GPD1L: variants seen among roughly 807,000 people sequenced by gnomAD.
GPD1L encodes glycerol-3-phosphate dehydrogenase 1 like, also known as glycerol-3-phosphate dehydrogenase 1-like protein.
A neutral mutation model predicts 32.9 loss-of-function variants in GPD1L; 17 were observed. The ratio of observed to expected loss-of-function variants is 0.52; its 90% confidence interval spans 0.35 to 0.78. GPD1L has a LOEUF of 0.78. Ranked by LOEUF, GPD1L falls within the 30% of genes least tolerant of loss-of-function variation. The pLI, the probability that GPD1L is intolerant of heterozygous loss-of-function variation, is 0.01. For synonymous variants in GPD1L, 187 were observed against 165.9 expected (o/e 1.13, Z -0.98); for missense variants, 361 against 447.8 (o/e 0.81, Z 1.75).
intron 5 of GPD1L, among the ~76,000 whole-genome samples, chr3:32,157,102 T>C (rs1230580937): frequency 1.3e-5 from 2 of 152,164 alleles, no homozygotes; most frequent in Non-Finnish European, 2.9e-5. Flanking sequence ...CCTGTGCAAC[T>C]GTGCAGGTGT....
intron 1 of GPD1L, among the ~76,000 whole-genome samples, chr3:32,124,547 A>G (rs1700476659): frequency 6.6e-6 from 1 of 152,214 alleles, no homozygotes; most frequent in Admixed American, 6.5e-5. Flanking sequence ...CAGAGGCACA[A>G]AGGAATTTTG....
intron 4 of GPD1L, among the ~76,000 whole-genome samples, chr3:32,146,296 C>G (rs1700824816): frequency 6.6e-6 from 1 of 151,918 alleles, no homozygotes; most frequent in African/African-American, 2.4e-5. Flanking sequence ...CCATGTTAGC[C>G]AGGATGGCTT....
chr3:32,138,804 G>A lies in GPD1L; in HGVS notation c.366+77G>A, dbSNP rs971245412. ...CATTTCCTCACACTTTCATCTGCTT[G>A]AGATTTGGAGCTGAAGGGGAAGTTG... On this transcript the variant is annotated intron_variant, in intron 3 of 7. Coordinates refer to ENST00000282541, the MANE Select transcript of GPD1L (RefSeq NM_015141.4). 1.8e-4 allele frequency: 257 copies of A among 1,446,962 alleles called. 1 individual carries two copies. The highest frequency in any genetic ancestry group is 3.4e-4 in the Admixed American group (20 of 58,670). The allele number at this position is 1,446,962 out of a possible 1,614,324, so 89.6% of individuals were successfully genotyped here.
chr3:32,121,096 G>A (rs1026218702), intron 1 of GPD1L, among the ~76,000 whole-genome samples: 1 of 152,040 alleles, frequency 6.6e-6, no homozygotes, highest in African/African-American at 2.4e-5. Flanking sequence ...CCAAATTAGT[G>A]CTGTTTTTGC....
intron 2 of GPD1L, among the ~76,000 whole-genome samples, chr3:32,130,735 G>T (rs539798816): frequency 6.9e-6 from 1 of 145,276 alleles, no homozygotes; most frequent in South Asian, 2.2e-4. Flanking sequence ...CTTTGGGACC[G>T]AGCGCAGTGG....
intron 3 of GPD1L, among the ~76,000 whole-genome samples, chr3:32,139,906 A>G (rs1700715110): frequency 6.6e-6 from 1 of 152,210 alleles, no homozygotes; most frequent in East Asian, 1.9e-4. Context: ...TAAAATAGTC[A>G]AGAAAAGCAA....
At chr3:32,131,201 C>T (rs938390818) in intron 2 of GPD1L, among the ~76,000 whole-genome samples, 2 of 152,144 alleles carry the variant, frequency 1.3e-5, no homozygotes, top group African/African-American at 4.8e-5. Flanking sequence ...GATTCCAGCA[C>T]CCCCATGAAA....
In GPD1L at chr3:32,106,831, GC is replaced by G; in HGVS notation, c.47+77del. The stretch of plus-strand genomic sequence containing the variant: ...CTCTCCCGGGCGGTGAGGGCTGCGC[GC>G]CCCATGCTGCGGCGTGGGCACCGGG... On this transcript the variant is annotated intron_variant, in intron 1 of 7. Coordinates refer to ENST00000282541, the MANE Select transcript of GPD1L (RefSeq NM_015141.4). This position sits in a 1 kb window ranked among gnomAD's most constrained non-coding sequence, Gnocchi z 4.0. 1.4e-6 allele frequency: 2 copies of G among 1,392,106 alleles called. No homozygotes were observed. Among genetic ancestry groups the G allele is most frequent in the Non-Finnish European group, 1.9e-6 (2 of 1,041,094 alleles). 86.2% of individuals were successfully genotyped at this position (1,392,106 alleles called of 1,614,324 possible).
intron 4 of GPD1L, among the ~76,000 whole-genome samples, chr3:32,142,327 C>T (rs980801804): frequency 1.3e-5 from 2 of 152,034 alleles, no homozygotes; most frequent in South Asian, 2.1e-4. Flanking sequence ...CCATGTTGGC[C>T]AGGATGGTCT....
intron 2 of GPD1L, among the ~76,000 whole-genome samples, chr3:32,134,592 T>G (rs1700635750): frequency 6.6e-6 from 1 of 152,148 alleles, no homozygotes; most frequent in South Asian, 2.1e-4. Flanking sequence ...GCTCAAGTGA[T>G]CCTCCCACCT....
chr3:32,160,942 ACT>A (rs1701066288), intron 7 of GPD1L, among the ~76,000 whole-genome samples: 1 of 151,938 alleles, frequency 6.6e-6, no homozygotes, highest in Non-Finnish European at 1.5e-5. Flanking sequence ...CTCCCGTAAT[ACT>A]CTCTAGGGGA....
At chr3:32,158,854 G>A (rs1701033795) in intron 5 of GPD1L, 22 bp from the exon 6 acceptor site, 5 of 1,611,774 alleles carry the variant, frequency 3.1e-6, no homozygotes, top group Middle Eastern at 1.6e-4. Flanking sequence ...ACGGCATCTG[G>A]GCTTTGTCAT....
Position 32,106,640 on chromosome 3 carries a change from G to A in GPD1L, c.-72G>A. On this transcript the variant is annotated 5_prime_UTR_variant, in exon 1 of 8. Transcript: ENST00000282541. The surrounding 1 kb of genome is among the most constrained non-coding windows in gnomAD (Gnocchi z 4.0). ...GCGGGGCCGCCGCCAGCCGCTGCGG[G>A]CAAGGCTGAACAGGCGGAGGTGGGC... The A allele has an allele frequency of 2.9e-6, 4 of 1,396,508 alleles. No individual in the cohort carries two copies. The highest frequency in any genetic ancestry group is 1.9e-6 in the Non-Finnish European group (2 of 1,058,144). The allele number at this position is 1,396,508 out of a possible 1,614,324, so 86.5% of individuals were successfully genotyped here. A position where few individuals can be genotyped will look rare whatever the true frequency, so the allele number is the denominator to read the frequency against.
At chr3:32,127,250 C>T (rs1363235094) in intron 1 of GPD1L, among the ~76,000 whole-genome samples, 1 of 152,202 alleles carries the variant, frequency 6.6e-6, no homozygotes, top group East Asian at 1.9e-4. Context: ...ATTTGCTCCT[C>T]ACGCCAGGAA....
chr3:32,165,833 G>GT lies in GPD1L; in HGVS notation c.980dup (p.Tyr328ValfsTer27). On this transcript the variant is annotated frameshift_variant, in exon 8 of 8. Coordinates refer to ENST00000282541, the MANE Select transcript of GPD1L (RefSeq NM_015141.4). LOFTEE classifies it high-confidence loss of function. ...AACTAGGTTTCCATTGTTTACTGCAGTGTATCAGATCTGCTACGAAAGCAG... is the reference window on the plus strand; with the variant it reads ...AACTAGGTTTCCATTGTTTACTGCAGTTGTATCAGATCTGCTACGAAAGCAG... 1 of 1,600,676 alleles carries GT rather than the reference G, an allele frequency of 6.2e-7. No homozygotes were observed. Among genetic ancestry groups the GT allele is most frequent in the Non-Finnish European group, 8.6e-7 (1 of 1,167,868 alleles).
At chr3:32,146,849 G>C in intron 5 of GPD1L, 115 bp downstream of exon 5, 1 of 763,016 alleles carries the variant, frequency 1.3e-6, no homozygotes. Flanking sequence ...GAAGAATAGT[G>C]AATTGAGAGT....
intron 5 of GPD1L, among the ~76,000 whole-genome samples, chr3:32,153,959 G>A (rs1357633338): frequency 1.3e-5 from 2 of 152,026 alleles, no homozygotes; most frequent in Non-Finnish European, 2.9e-5. Flanking sequence ...GAAAATTATG[G>A]TATTTTTAGC....
intron 1 of GPD1L, among the ~76,000 whole-genome samples, chr3:32,119,608 G>A (rs568035997): frequency 6.6e-6 from 1 of 152,146 alleles, no homozygotes; most frequent in Non-Finnish European, 1.5e-5. Context: ...TTTAACATTT[G>A]CATCTAATAC....
chr3:32,144,312 A>G (rs1027801620), intron 4 of GPD1L, among the ~76,000 whole-genome samples: 1 of 152,104 alleles, frequency 6.6e-6, no homozygotes, highest in Non-Finnish European at 1.5e-5. Flanking sequence ...CTCTTGTGGT[A>G]AGGTCTCCTT....
Sources: gnomAD v4.1 joint callset for allele counts (sites outside exome capture counted in the v4.1 genomes callset) on GRCh38, gnomAD v4.1.1 for gene constraint, Gnocchi (gnomAD v3.1) non-coding constraint, MANE v1.5 for transcripts, NCBI Gene and HGNC (gene_info 2026-07-23, HGNC 2026-07-21) for gene names.